Variants in HSP90AA1 observed in about 807,000 individuals in gnomAD.
The protein encoded by HSP90AA1 is heat shock protein 90 alpha family class A member 1.
HSP90AA1 carries 18 observed loss-of-function variants against 73.3 expected under a neutral mutation model. The ratio of observed to expected loss-of-function variants is 0.25; its 90% CI spans 0.17 to 0.36. HSP90AA1 has a LOEUF of 0.36. HSP90AA1 is among the 10% of genes least tolerant of loss of function. The probability of loss-of-function intolerance (pLI) is 1.00; values close to 1 mark genes in which losing one functional copy is unlikely to be tolerated. For missense variants in HSP90AA1, 704 were observed against 874.2 expected, an observed-to-expected ratio of 0.81 and a Z score of 2.45; for synonymous variants, 477 against 296.9, an observed-to-expected ratio of 1.61 and a Z score of -6.24.
At chr14:102,134,307 A>C (rs552753069) in intron 1 of HSP90AA1, among the ~76,000 whole-genome samples, 81 of 134,764 alleles carry the variant, frequency 6.0e-4, no homozygotes, top group Non-Finnish European at 1.1e-3. Flanking sequence ...TGGGCGACAG[A>C]GCAAGGCTCT....
At chr14:102,135,765 C>G (rs1425089425) in intron 1 of HSP90AA1, among the ~76,000 whole-genome samples, 1 of 152,246 alleles carries the variant, frequency 6.6e-6, no homozygotes, top group Non-Finnish European at 1.5e-5. Context: ...TGCTAAGTCC[C>G]TCATTGCCCG....
intron 1 of HSP90AA1, among the ~76,000 whole-genome samples, chr14:102,114,326 G>A (rs890655835): frequency 6.6e-6 from 1 of 152,118 alleles, no homozygotes; most frequent in Non-Finnish European, 1.5e-5. Context: ...TCTAAGTCAC[G>A]TTTAGAGGCT....
At chr14:102,084,114 G>C (rs2049163058) in intron 6 of HSP90AA1, 131 bp from the exon 7 acceptor site, 3 of 819,268 alleles carry the variant, frequency 3.7e-6, no homozygotes, top group Non-Finnish European at 6.1e-6. Context: ...CTGTTGCCCA[G>C]GCTGGAGGGC....
Position 102,084,746 on chromosome 14 carries a change from T to G in HSP90AA1, c.916A>C (p.Asn306His), listed in dbSNP as rs115457506. The G allele has an allele frequency of 6.2e-7, 1 of 1,614,170 alleles. No individual in the cohort carries two copies. Among genetic ancestry groups the G allele is most frequent in the Non-Finnish European group, 8.5e-7 (1 of 1,180,014 alleles). ...IWTRNPDDIT[N>H]EEYGEFYKSL... Reference sequence around the variant, plus strand: ...TTATAGAATTCTCCGTACTCCTCATTAGTAATATCGTCGGGATTTCTGGTC... The same window carrying G: ...TTATAGAATTCTCCGTACTCCTCATGAGTAATATCGTCGGGATTTCTGGTC... Residue 306 changes from asparagine to histidine, a missense_variant, in exon 5 of 11, where the codon AAT becomes CAT. By Grantham distance (68) the Asn-to-His change is moderately conservative (BLOSUM62 1). Transcript: ENST00000216281.
chr14:102,097,644 G>A (rs76628749), intron 2 of HSP90AA1, among the ~76,000 whole-genome samples: 153 of 152,192 alleles, frequency 1.0e-3, no homozygotes, highest in Non-Finnish European at 1.6e-3. Context: ...GATACCCCTC[G>A]AGGTGGGGTG....
At chr14:102,101,893 A>G (rs776047455) in exon 2 of HSP90AA1, 65 of 1,613,774 alleles carry the variant, frequency 4.0e-5, no homozygotes, top group Non-Finnish European at 5.4e-5. Context: ...TAAGCAATAT[A>G]AATGGCTGCA....
chr14:102,101,296 A>C (rs1340211445), intron 2 of HSP90AA1, among the ~76,000 whole-genome samples: 1 of 152,208 alleles, frequency 6.6e-6, no homozygotes, highest in Admixed American at 6.6e-5. Context: ...GTTCTAAGGC[A>C]CTGAGTGTGA....
In HSP90AA1 at chr14:102,083,762, A is replaced by C. The variant is rs755886481; in HGVS notation, c.1338+31T>G. The C allele has an allele frequency of 9.1e-5, 144 of 1,584,486 alleles. 2 individuals are homozygous for C. Among genetic ancestry groups the C allele is most frequent in the Admixed American group, 6.3e-4 (37 of 58,830 alleles). ...AAAAAAAAAAAAAACTAAAGAGGCC[A>C]ATTGGAAAACTAATGGTTATTTACA... is the stretch of plus-strand genomic sequence containing the variant. On this transcript the variant is annotated intron_variant, in intron 7 of 10. Transcript: ENST00000216281.
chr14:102,132,266 C>T (rs2049916123), intron 1 of HSP90AA1, among the ~76,000 whole-genome samples: 1 of 152,108 alleles, frequency 6.6e-6, no homozygotes, highest in Non-Finnish European at 1.5e-5. Context: ...ACTCAGGAGG[C>T]TGAGGTAGGA....
At chr14:102,086,179 G>A (rs773195204) in intron 2 of HSP90AA1, 38 bp downstream of exon 2, 31 of 1,613,970 alleles carry the variant, frequency 1.9e-5, no homozygotes, top group Non-Finnish European at 2.5e-5. Flanking sequence ...AGTTCACACT[G>A]AAACCAAAAT....
At chr14:102,089,507 T>C (rs1356710394), upstream of HSP90AA1, among the ~76,000 whole-genome samples, 1 of 152,228 alleles carries the variant, frequency 6.6e-6, no homozygotes, top group African/African-American at 2.4e-5. Context: ...CGCCAGCCCC[T>C]GGCTGTTCCT....
chr14:102,082,269 T>C lies in HSP90AA1; in HGVS notation c.1931A>G (p.Glu644Gly). The change falls in exon 10 of 11, where the codon GAG becomes GGG. Residue 644 changes from glutamate to glycine, a missense_variant. Transcript: ENST00000216281. ...AGCCTCTGCCTTTTGCCTTAAGGTC[T>C]CAATAATGGAATGGTCAGGGTTTAT... ...LEINPDHSII[E>G]TLRQKAEADK... 6.2e-7 allele frequency: 1 copy of C among 1,613,964 alleles called. No homozygotes were observed.
intron 2 of HSP90AA1, among the ~76,000 whole-genome samples, chr14:102,098,740 G>T (rs570035392): frequency 1.8e-4 from 27 of 152,016 alleles, no homozygotes; most frequent in Middle Eastern, 6.8e-3. Flanking sequence ...CTGTCGCCCA[G>T]GCTGGAGTGC....
At position 102,087,010 on chromosome 14, in the gene HSP90AA1, C is replaced by G. The variant is rs1012986372; in HGVS notation, c.-25G>C. On this transcript the variant is annotated 5_prime_UTR_variant, in exon 1 of 11. Coordinates refer to ENST00000216281, the MANE Select transcript of HSP90AA1 (RefSeq NM_005348.4). ...CCTTGGCTAAGTGACCGCACAGGAC[C>G]AACGGCACAGCCACACCGGGACGCT... 1.2e-5 allele frequency: 12 copies of G among 985,342 alleles called. No individual in the cohort carries two copies. The highest frequency in any genetic ancestry group is 1.4e-5 in the Non-Finnish European group (12 of 830,182). 61.0% of individuals were successfully genotyped at this position (985,342 alleles called of 1,614,324 possible). A position where few individuals can be genotyped will look rare whatever the true frequency, so the allele number is the denominator to read the frequency against.
upstream of HSP90AA1, among the ~76,000 whole-genome samples, chr14:102,091,538 A>G (rs1372256023): frequency 6.6e-6 from 1 of 152,038 alleles, no homozygotes; most frequent in Non-Finnish European, 1.5e-5. Flanking sequence ...AGGCAGGACA[A>G]TTGCTTGAAC....
rs144359780 is a variant in HSP90AA1 at position 102,095,849 on chromosome 14, G to C, written c.366+6026C>G. On this transcript the variant is annotated intron_variant, in intron 2 of 11. Coordinates refer to the HSP90AA1 transcript ENST00000334701. ...CCCACACCATTTCCACTTCCAGCTG[G>C]GTCTTGCTGGGTTTATCTATTCTAC... Among the ~76,000 whole-genome samples, 566 of 152,140 alleles carry C rather than the reference G, an allele frequency of 3.7e-3. 6 individuals carry two copies. The highest frequency in any genetic ancestry group is 0.013 in the African/African-American group (529 of 41,486).
In HSP90AA1 at chr14:102,081,303, A is replaced by G. The variant is rs2049092414; in HGVS notation, c.*409T>C. 3.3e-6 allele frequency: 1 copy of G among 298,880 alleles called. No homozygotes were observed. The highest frequency in any genetic ancestry group is 6.3e-6 in the Non-Finnish European group (1 of 157,674). The allele number at this position is 298,880 out of a possible 1,614,324, so 18.5% of individuals were successfully genotyped here. On this transcript the variant is annotated 3_prime_UTR_variant, in exon 11 of 11. Coordinates refer to ENST00000216281, the MANE Select transcript of HSP90AA1 (RefSeq NM_005348.4). ...GCAGAATTGTCAACTACAGGGAATG[A>G]AAAGTTCAAAAAGTAGATCCTACAA...
rs2049113394 is a variant in HSP90AA1 at position 102,082,093 on chromosome 14, A to C, written c.2089+18T>G. The C allele has an allele frequency of 6.6e-7, 1 of 1,507,798 alleles. No individual in the cohort carries two copies. Among genetic ancestry groups the C allele is most frequent in the African/African-American group, 1.4e-5 (1 of 72,702 alleles). 93.4% of individuals were successfully genotyped at this position (1,507,798 alleles called of 1,614,324 possible). On this transcript the variant is annotated intron_variant, in intron 10 of 10. Coordinates refer to ENST00000216281, the MANE Select transcript of HSP90AA1 (RefSeq NM_005348.4). ...GTGTGTTTATTTTCTTTTTAACATT[A>C]CATAGTATAAGGCTTACCCAGACCA...
upstream of HSP90AA1, among the ~76,000 whole-genome samples, chr14:102,090,478 C>G (rs1350051714): frequency 2.7e-5 from 4 of 146,568 alleles, no homozygotes; most frequent in Non-Finnish European, 4.5e-5. Flanking sequence ...GAGACGGAGT[C>G]TTGCTCTGTC....
Sources: allele counts gnomAD v4.1 joint callset (sites outside exome capture counted in the v4.1 genomes callset), GRCh38; gene constraint gnomAD v4.1.1; transcripts MANE v1.5; gene names NCBI Gene and HGNC (gene_info 2026-07-23, HGNC 2026-07-21).